GLT8D1: variants seen among roughly 807,000 people sequenced by gnomAD.
GLT8D1 encodes glycosyltransferase 8 domain-containing protein 1.
In GLT8D1, 41 loss-of-function variants were observed where a neutral mutation model predicts 46.2. The observed-to-expected ratio is 0.89, with a 90% CI of 0.69 to 1.15. The LOEUF (loss-of-function observed/expected upper bound fraction) is 1.15, where lower values mean the gene tolerates loss of function less well. Ranked by LOEUF, GLT8D1 falls within the 50% of genes most tolerant of loss-of-function variation. The pLI, the probability that GLT8D1 is intolerant of heterozygous loss-of-function variation, is 0.00. For synonymous variants in GLT8D1, 150 were observed against 154.2 expected (o/e 0.97, Z 0.20); for missense variants, 408 against 449.3 (o/e 0.91, Z 0.83).
Position 52,700,427 on chromosome 3 carries a change from C to G in GLT8D1, c.16+18G>C. 6.3e-7 allele frequency: 1 copy of G among 1,596,554 alleles called. No homozygotes were observed. Among genetic ancestry groups the G allele is most frequent in the East Asian group, 2.2e-5 (1 of 44,730 alleles). ...TTGACCAGGTATAAAAACAACTTAACTTGTAGAAAGAGCATACCTTTACGG... is the reference window on the plus strand; with the variant it reads ...TTGACCAGGTATAAAAACAACTTAAGTTGTAGAAAGAGCATACCTTTACGG... On this transcript the variant is annotated intron_variant, in intron 2 of 9. Coordinates refer to ENST00000266014, the MANE Select transcript of GLT8D1 (RefSeq NM_018446.4).
chr3:52,697,925 A>G lies in GLT8D1; in HGVS notation c.125T>C (p.Ile42Thr), dbSNP rs2097335571. 1 of 1,606,884 alleles carries G rather than the reference A, an allele frequency of 6.2e-7. No individual in the cohort carries two copies. The highest frequency in any genetic ancestry group is 1.7e-5 in the Admixed American group (1 of 59,990). ...LLRNEVTDSGIVGPQPIDFVP... is the reference protein window; with the variant it reads ...LLRNEVTDSGTVGPQPIDFVP... ...AAAGTCTATAGGTTGAGGCCCTACA[A>G]TTCCTGAATCTGAAAACACAAGGAA... The change falls in exon 4 of 10, where the codon ATT (isoleucine) becomes ACT (threonine). Residue 42 changes from isoleucine (I) to threonine (T), a missense_variant. By Grantham distance (89) the Ile-to-Thr change is moderately conservative. Transcript: ENST00000266014.
chr3:52,695,135 A>T (rs1028584911), intron 9 of GLT8D1, 55 bp downstream of exon 9: 27 of 1,444,282 alleles, frequency 1.9e-5, no homozygotes, highest in Non-Finnish European at 2.6e-5. Context: ...CCCTGAGGAT[A>T]GTTCTTTAGA....
At position 52,694,711 on chromosome 3, in the gene GLT8D1, A is replaced by ATCTT; in HGVS notation, c.*130_*133dup. The ATCTT allele has an allele frequency of 2.8e-6, 2 of 711,646 alleles. No homozygotes were observed. Among genetic ancestry groups the ATCTT allele is most frequent in the Non-Finnish European group, 5.1e-6 (2 of 393,552 alleles). 44.1% of individuals were successfully genotyped at this position (711,646 alleles called of 1,614,324 possible). A position where few individuals can be genotyped will look rare whatever the true frequency, so the allele number is the denominator to read the frequency against. On this transcript the variant is annotated 3_prime_UTR_variant, in exon 10 of 10. Coordinates refer to ENST00000266014, the MANE Select transcript of GLT8D1 (RefSeq NM_018446.4). ...TGACTGCCAGACAGGGCAGTTTGTC[A>ATCTT]TCTTTACCTAGCTGACACATCTTTT... is the stretch of plus-strand genomic sequence containing the variant.
chr3:52,694,774 A>T lies in GLT8D1; in HGVS notation c.*71T>A. On this transcript the variant is annotated 3_prime_UTR_variant, in exon 10 of 10. Transcript: ENST00000266014. The stretch of plus-strand genomic sequence containing the variant: ...TACCGATAGGCATTGAAGCCTAGCA[A>T]CTGTTACTTCCCACGCATGCTATCT... 1 of 1,062,854 alleles carries T rather than the reference A, an allele frequency of 9.4e-7. No individual in the cohort carries two copies. The highest frequency in any genetic ancestry group is 1.5e-6 in the Non-Finnish European group (1 of 681,392). 65.8% of individuals were successfully genotyped at this position (1,062,854 alleles called of 1,614,324 possible).
In GLT8D1 at chr3:52,705,553, G is replaced by C. The variant is rs542319962; in HGVS notation, c.-143C>G. 6.4e-6 allele frequency: 1 copy of C among 155,664 alleles called. No individual in the cohort carries two copies. Among genetic ancestry groups the C allele is most frequent in the African/African-American group, 2.4e-5 (1 of 41,552 alleles). The allele number at this position is 155,664 out of a possible 1,614,324, so 9.6% of individuals were successfully genotyped here. On this transcript the variant is annotated 5_prime_UTR_variant, in exon 1 of 10. Coordinates refer to ENST00000266014, the MANE Select transcript of GLT8D1 (RefSeq NM_018446.4). ...GTCGTTCCCCTCAAAGGCTCGCCGC[G>C]GCCGCCCTTACTGCAGGCGATGGAG...
At chr3:52,695,870 G>C (rs2097332846) in intron 7 of GLT8D1, 58 bp downstream of exon 7, 2 of 1,011,130 alleles carry the variant, frequency 2.0e-6, no homozygotes. Context: ...CCCTGAATTT[G>C]CAACCTCTTC....
In GLT8D1 at chr3:52,696,360, C is replaced by T. The variant is rs1015314540; in HGVS notation, c.448-42G>A. 5 of 1,352,098 alleles carry T rather than the reference C, an allele frequency of 3.7e-6. No individual in the cohort carries two copies. The Admixed American group carries it at 8.4e-5, about 23-fold the overall frequency. 83.8% of individuals were successfully genotyped at this position (1,352,098 alleles called of 1,614,324 possible). A position where few individuals can be genotyped will look rare whatever the true frequency, so the allele number is the denominator to read the frequency against. On this transcript the variant is annotated intron_variant, in intron 5 of 9. Transcript: ENST00000266014. ...TAATTGGCATAGGATACCGCACTAG[C>T]TGTGCTTTTATTTACACAGAAACTC...
chr3:52,696,699 G>T, intron 4 of GLT8D1, 40 bp from the exon 5 acceptor site: 1 of 1,102,966 alleles, frequency 9.1e-7, no homozygotes, highest in Non-Finnish European at 1.4e-6. Context: ...TTCAAATAAT[G>T]TCTCCAAACC....
At position 52,695,913 on chromosome 3, in the gene GLT8D1, T is replaced by G. The variant is rs766894865; in HGVS notation, c.645+15A>C. The stretch of plus-strand genomic sequence containing the variant: ...ACAATATTGTAGGAAGAGGGGTGTT[T>G]GGTAAGCAATTTACCTGGTTTCCTG... On this transcript the variant is annotated intron_variant, in intron 7 of 9. Transcript: ENST00000266014. 7.0e-7 allele frequency: 1 copy of G among 1,430,774 alleles called. No homozygotes were observed. The highest frequency in any genetic ancestry group is 1.1e-5 in the South Asian group (1 of 87,194). 88.6% of individuals were successfully genotyped at this position (1,430,774 alleles called of 1,614,324 possible). A position where few individuals can be genotyped will look rare whatever the true frequency, so the allele number is the denominator to read the frequency against.
At chr3:52,701,702 C>A (rs967135414) in intron 1 of GLT8D1, among the ~76,000 whole-genome samples, 5 of 152,208 alleles carry the variant, frequency 3.3e-5, no homozygotes, top group African/African-American at 1.2e-4. Context: ...CAAAAACCAT[C>A]TCTGTTAGCT....
Position 52,696,284 on chromosome 3 carries a change from A to G in GLT8D1, c.482T>C (p.Val161Ala), listed in dbSNP as rs1436186242. ...GTATATGGCCTTCTTTGCGCTGGGA[A>G]CCAGAATTGGCAAGTAGAACCTTGC... ...TFARFYLPIL[V>A]PSAKKAIYMD... is the part of the protein sequence containing the mutation. Residue 161 changes from valine to alanine, a missense_variant, in exon 6 of 10, where the codon GTT becomes GCT. Val to Ala is a moderately conservative substitution (Grantham distance 64). Transcript: ENST00000266014. The G allele has an allele frequency of 6.2e-7, 1 of 1,612,610 alleles. No homozygotes were observed. The highest frequency in any genetic ancestry group is 2.2e-5 in the East Asian group (1 of 44,870).
chr3:52,700,456 G>T lies in GLT8D1; in HGVS notation c.5C>A (p.Ser2Ter). Reference sequence around the variant, plus strand: ...TAGAAAGAGCATACCTTTACGGAATGACATCTTTTTCTTCTGTCATATAAA... The same window carrying T: ...TAGAAAGAGCATACCTTTACGGAATTACATCTTTTTCTTCTGTCATATAAA... The part of the protein sequence containing the change: M[S>*]FRKVNIIILV... Residue 2 changes from serine to a stop codon, truncating the protein, a stop_gained, in exon 2 of 10, where the codon TCA (serine) becomes TAA (stop). Coordinates refer to ENST00000266014, the MANE Select transcript of GLT8D1 (RefSeq NM_018446.4). LOFTEE classifies it high-confidence loss of function. 6.3e-7 allele frequency: 1 copy of T among 1,592,396 alleles called. No individual in the cohort carries two copies. Among genetic ancestry groups the T allele is most frequent in the South Asian group, 1.1e-5 (1 of 90,186 alleles).
In GLT8D1 at chr3:52,700,704, A is replaced by G. The variant is rs1243096620; in HGVS notation, c.-36-208T>C. On this transcript the variant is annotated intron_variant, in intron 1 of 9. Transcript: ENST00000266014. ...GTACTCATTAATAAAAAACTTAAAAATAAGTTGGAGAAACAGCCTTAGCCT... is the reference window on the plus strand; with the variant it reads ...GTACTCATTAATAAAAAACTTAAAAGTAAGTTGGAGAAACAGCCTTAGCCT... 10 of 431,064 alleles carry G rather than the reference A, an allele frequency of 2.3e-5. No individual in the cohort carries two copies. In the Admixed American group the frequency reaches 3.4e-4, roughly 15 times the overall value. 26.7% of individuals were successfully genotyped at this position (431,064 alleles called of 1,614,324 possible).
chr3:52,696,451 C>T (rs1434412907), intron 5 of GLT8D1, 91 bp downstream of exon 5: 2 of 997,650 alleles, frequency 2.0e-6, no homozygotes, highest in South Asian at 1.3e-5. Flanking sequence ...GCTTGGTCCC[C>T]AGGAAACTAC....
intron 4 of GLT8D1, 116 bp downstream of exon 4, chr3:52,697,605 G>T: frequency 1.3e-6 from 1 of 758,528 alleles, no homozygotes; most frequent in Non-Finnish European, 2.4e-6. Flanking sequence ...GTTTATCACT[G>T]GTACAATTTC....
In GLT8D1 at chr3:52,703,967, T is replaced by C. The variant is rs1387467053; in HGVS notation, c.-37+1480A>G. ...CTACATTTTCGTAAGAGTATATAAT[T>C]GTGTACAATTTGATTAGCAACACAG... On this transcript the variant is annotated intron_variant, in intron 1 of 9. Coordinates refer to ENST00000266014, the MANE Select transcript of GLT8D1 (RefSeq NM_018446.4). 1.3e-5 allele frequency: 2 copies of C among 152,188 alleles called. 1 individual carries two copies. Among genetic ancestry groups the C allele is most frequent in the Middle Eastern group, 6.3e-3 (2 of 316 alleles). 9.4% of individuals were successfully genotyped at this position (152,188 alleles called of 1,614,324 possible). A position where few individuals can be genotyped will look rare whatever the true frequency, so the allele number is the denominator to read the frequency against.
chr3:52,702,711 TA>T (rs969549876), intron 1 of GLT8D1, among the ~76,000 whole-genome samples: 1 of 150,888 alleles, frequency 6.6e-6, no homozygotes, highest in Non-Finnish European at 1.5e-5. Context: ...ACCCCATATC[TA>T]AAAAAAATTT....
Position 52,694,951 on chromosome 3 carries a change from C to T in GLT8D1, c.1010G>A (p.Gly337Glu), listed in dbSNP as rs755292767. Reference sequence around the variant, plus strand: ...AACATCAGTATATGAAGCAGTCCTTCCCCATGGCTTCAAATGTCCATTCCA... The same window carrying T: ...AACATCAGTATATGAAGCAGTCCTTTCCCATGGCTTCAAATGTCCATTCCA... ...LHWNGHLKPW[G>E]RTASYTDVWE... Residue 337 changes from glycine (G) to glutamate (E), a missense_variant, in exon 10 of 10, where the codon GGA (glycine) becomes GAA (glutamate). Gly to Glu is a moderately conservative substitution (Grantham distance 98). Transcript: ENST00000266014. 7 of 1,608,424 alleles carry T rather than the reference C, an allele frequency of 4.4e-6. No individual in the cohort carries two copies. The highest frequency in any genetic ancestry group is 6.0e-6 in the Non-Finnish European group (7 of 1,174,790).
At chr3:52,704,677 G>T (rs531361243) in intron 1 of GLT8D1, 1 of 152,144 alleles carries the variant, frequency 6.6e-6, no homozygotes, top group South Asian at 2.1e-4. Context: ...TCTCTGCCAC[G>T]TGCAAGGATG....
Sources: allele counts gnomAD v4.1 joint callset (sites outside exome capture counted in the v4.1 genomes callset), GRCh38; gene constraint gnomAD v4.1.1; transcripts MANE v1.5; gene names NCBI Gene and HGNC (gene_info 2026-07-23, HGNC 2026-07-21).